ERI3: variants seen among roughly 807,000 people sequenced by gnomAD.
The protein encoded by ERI3 is ERI1 exoribonuclease family member 3, also known as ERI1 exoribonuclease 3.
Under a neutral mutation model 44.4 loss-of-function variants are expected in ERI3, and 18 were observed. That is an observed-to-expected ratio of 0.41 (90% CI 0.28 to 0.60). The LOEUF (loss-of-function observed/expected upper bound fraction) is 0.60, where lower values mean the gene tolerates loss of function less well. ERI3 is among the 20% of genes least tolerant of loss of function. The pLI is 0.36. For missense variants in ERI3, 294 were observed against 435.5 expected (o/e 0.68, Z 2.89); for synonymous variants, 183 against 164.8 (o/e 1.11, Z -0.84).
intron 5 of ERI3, among the ~76,000 whole-genome samples, chr1:44,310,341 A>G (rs1645927342): frequency 6.6e-6 from 1 of 152,216 alleles, no homozygotes; most frequent in Admixed American, 6.5e-5. Flanking sequence ...ATAATTTTGT[A>G]TTTGAAGCAA....
chr1:44,352,487 TGTTTCTTCCTATTTTCTTAAG>T (rs1646915632), intron 2 of ERI3, among the ~76,000 whole-genome samples: 1 of 152,140 alleles, frequency 6.6e-6, no homozygotes, highest in South Asian at 2.1e-4. Context: ...CAAATGAAGA[TGTTTCTTCCTATTTTCTTAAG>T]ATGTGTATTT....
chr1:44,284,740 A>G, intron 7 of ERI3, 95 bp downstream of exon 7: 1 of 888,610 alleles, frequency 1.1e-6, no homozygotes, highest in Non-Finnish European at 1.8e-6. Context: ...AAAGAAAAAG[A>G]GGGAGAACAG....
chr1:44,272,658 A>G (rs1645109489), intron 7 of ERI3, among the ~76,000 whole-genome samples: 1 of 152,024 alleles, frequency 6.6e-6, no homozygotes, highest in African/African-American at 2.4e-5. Flanking sequence ...CCTAGCCAAC[A>G]TGACGAGACC....
rs557023854 is a variant in ERI3, at chr1:44,318,670, C to T, written c.606+958G>A. Among the ~76,000 whole-genome samples, 3 of 152,360 alleles carry T rather than the reference C, an allele frequency of 2.0e-5. No individual in the cohort carries two copies. The East Asian group carries it at 5.8e-4, about 29-fold the overall frequency. ...AGCCTCAGGGCCCACCAGGGTCAAA[C>T]AGGCTCATCCCCAGCCTTCTTACCA... On this transcript the variant is annotated intron_variant, in intron 4 of 8. Transcript: ENST00000372257.
chr1:44,295,312 C>T (rs771861746), intron 6 of ERI3, among the ~76,000 whole-genome samples: 5 of 152,184 alleles, frequency 3.3e-5, no homozygotes, highest in Non-Finnish European at 7.3e-5. Context: ...AAAAATACTA[C>T]CATTCCATCT....
rs533526530 is a variant in ERI3, at chr1:44,284,695, A to C, written c.831+140T>G. Reference sequence around the variant, plus strand: ...ACCACATTTCAGTGCATATTAGCTAAGGAAAAGGATGAAGTTAAGAAAAGA... The same window carrying C: ...ACCACATTTCAGTGCATATTAGCTACGGAAAAGGATGAAGTTAAGAAAAGA... On this transcript the variant is annotated intron_variant, in intron 7 of 8. Coordinates refer to ENST00000372257, the MANE Select transcript of ERI3 (RefSeq NM_024066.3). The C allele has an allele frequency of 5.0e-4, 335 of 671,928 alleles. 2 individuals carry two copies. Among genetic ancestry groups the C allele is most frequent in the Admixed American group, 1.4e-4 (5 of 36,676 alleles). 41.6% of individuals were successfully genotyped at this position (671,928 alleles called of 1,614,324 possible).
At chr1:44,328,781 A>AAC (rs1646368464) in intron 3 of ERI3, among the ~76,000 whole-genome samples, 1 of 152,186 alleles carries the variant, frequency 6.6e-6, no homozygotes, top group African/African-American at 2.4e-5. Context: ...CCAAATGAGA[A>AAC]TCAGAGCCCA....
At chr1:44,253,470 C>T (rs953816275) in intron 7 of ERI3, among the ~76,000 whole-genome samples, 1 of 152,188 alleles carries the variant, frequency 6.6e-6, no homozygotes, top group Non-Finnish European at 1.5e-5. Flanking sequence ...CTCCCTTTCC[C>T]AGGGAACCCT....
intron 6 of ERI3, among the ~76,000 whole-genome samples, chr1:44,305,487 T>C (rs1557835900): frequency 6.6e-6 from 1 of 152,196 alleles, no homozygotes; most frequent in African/African-American, 2.4e-5. Flanking sequence ...GTGTTGTTTC[T>C]TGAAAAAATT....
chr1:44,352,412 AG>A (rs1646911978), intron 2 of ERI3, among the ~76,000 whole-genome samples: 1 of 2,444 alleles, frequency 4.1e-4, no homozygotes, highest in African/African-American at 1.2e-3. Flanking sequence ...TCTCATAGAT[AG>A]ATAGATAGAT....
rs1047644671 is a variant in ERI3 at position 44,228,343 on chromosome 1, A to T, written c.932-6703T>A. Among the ~76,000 whole-genome samples the T allele has an allele frequency of 6.6e-6, 1 of 152,238 alleles. No homozygotes were observed. The highest frequency in any genetic ancestry group is 1.5e-5 in the Non-Finnish European group (1 of 68,040). On this transcript the variant is annotated intron_variant, in intron 8 of 8. Transcript: ENST00000372257. This position sits in a 1 kb window ranked among gnomAD's most constrained non-coding sequence, Gnocchi z 4.3. ...AAAAGGCAATTTCATCTTGATTAGCAGGCGATTTCTCTCACCGTAATAAGC... is the reference window on the plus strand; with the variant it reads ...AAAAGGCAATTTCATCTTGATTAGCTGGCGATTTCTCTCACCGTAATAAGC...
intron 7 of ERI3, among the ~76,000 whole-genome samples, chr1:44,270,356 G>A (rs112114195): frequency 6.6e-6 from 1 of 152,160 alleles, no homozygotes; most frequent in Admixed American, 6.5e-5. Context: ...TAAGAGAAGC[G>A]GCTTATCTAG....
chr1:44,274,299 T>C (rs959123050), intron 7 of ERI3, among the ~76,000 whole-genome samples: 3 of 152,350 alleles, frequency 2.0e-5, no homozygotes, highest in Non-Finnish European at 4.4e-5. Context: ...GCGGCGCGCT[T>C]TATGGGCTAG....
intron 3 of ERI3, chr1:44,323,074 A>C: frequency 1.5e-6 from 1 of 649,948 alleles, no homozygotes; most frequent in South Asian, 4.4e-5. Flanking sequence ...TTTATTTCAG[A>C]AACAGTTTTG....
intron 8 of ERI3, among the ~76,000 whole-genome samples, chr1:44,237,392 T>G (rs1232946828): frequency 1.3e-5 from 2 of 152,188 alleles, no homozygotes; most frequent in Admixed American, 6.5e-5. Context: ...TCAGAAACTT[T>G]TCTAGAAATT....
chr1:44,242,528 T>C (rs1425223264), intron 8 of ERI3, among the ~76,000 whole-genome samples: 1 of 152,144 alleles, frequency 6.6e-6, no homozygotes, highest in Non-Finnish European at 1.5e-5. Flanking sequence ...CCAGGCTAGA[T>C]GTCATGGAGA....
chr1:44,336,742 A>G (rs1476021330), intron 3 of ERI3, among the ~76,000 whole-genome samples: 2 of 152,356 alleles, frequency 1.3e-5, no homozygotes, highest in East Asian at 3.9e-4. Flanking sequence ...AAAGATAAGC[A>G]AGACAGCAAA....
chr1:44,337,381 C>T, intron 3 of ERI3, among the ~76,000 whole-genome samples: 1 of 152,194 alleles, frequency 6.6e-6, no homozygotes, highest in East Asian at 1.9e-4. Context: ...ATTTGGATCC[C>T]TAATTCCCAA....
chr1:44,259,724 A>ACACAC (rs1553185527), intron 7 of ERI3, among the ~76,000 whole-genome samples: 2 of 148,652 alleles, frequency 1.3e-5, no homozygotes, highest in Non-Finnish European at 3.0e-5. Context: ...ACACACACAC[A>ACACAC]AATTAGCCAG....
Sources: gnomAD v4.1 joint callset for allele counts (sites outside exome capture counted in the v4.1 genomes callset) on GRCh38, gnomAD v4.1.1 for gene constraint, Gnocchi (gnomAD v3.1) non-coding constraint, MANE v1.5 for transcripts, NCBI Gene and HGNC (gene_info 2026-07-23, HGNC 2026-07-21) for gene names.